The following SLIT3 variants were observed in gnomAD, a reference collection of about 807,000 sequenced individuals.
The protein encoded by SLIT3 is slit homolog 3 protein.
SLIT3 carries 68 observed loss-of-function variants against 184.0 expected under a neutral mutation model. The observed-to-expected ratio is 0.37, with a 90% CI of 0.30 to 0.45. The LOEUF is 0.45. SLIT3 is among the 20% of genes least tolerant of loss of function. The pLI is 1.00. For missense variants in SLIT3, 1,707 were observed against 2,026.0 expected, an observed-to-expected ratio of 0.84 and a Z score of 3.02; for synonymous variants, 831 against 828.6, an observed-to-expected ratio of 1.00 and a Z score of -0.05.
intron 4 of SLIT3, among the ~76,000 whole-genome samples, chr5:169,117,425 C>G (rs906536968): frequency 2.0e-5 from 3 of 151,996 alleles, no homozygotes; most frequent in African/African-American, 7.3e-5. Flanking sequence ...CTCCCTGCCC[C>G]CCTCACCTCT....
At chr5:168,741,029 C>A (rs1392798511) in intron 20 of SLIT3, among the ~76,000 whole-genome samples, 1 of 152,170 alleles carries the variant, frequency 6.6e-6, no homozygotes, top group East Asian at 1.9e-4. Context: ...GTACACAGAA[C>A]TTCCAGGGCA....
intron 12 of SLIT3, among the ~76,000 whole-genome samples, chr5:168,782,264 G>A (rs933268922): frequency 4.6e-5 from 7 of 152,116 alleles, no homozygotes; most frequent in East Asian, 1.9e-4. Context: ...CACCTGGAGC[G>A]GGTTTAAAAG....
chr5:168,939,131 A>T (rs1762254903), intron 4 of SLIT3, among the ~76,000 whole-genome samples: 2 of 152,304 alleles, frequency 1.3e-5, no homozygotes, highest in Non-Finnish European at 1.5e-5. Context: ...AGACTAAAAG[A>T]ACCCAATGCA....
intron 4 of SLIT3, among the ~76,000 whole-genome samples, chr5:169,005,085 G>A (rs186513303): frequency 2.0e-4 from 31 of 152,192 alleles, no homozygotes; most frequent in Admixed American, 1.0e-3. Flanking sequence ...TTCTGTGTCC[G>A]TATTTTTAAG....
intron 18 of SLIT3, among the ~76,000 whole-genome samples, chr5:168,750,636 T>G (rs555424625): frequency 4.7e-4 from 71 of 152,132 alleles, no homozygotes; most frequent in Non-Finnish European, 9.7e-4. Context: ...TGTCTTTGGA[T>G]TTCCAATGTG....
intron 4 of SLIT3, among the ~76,000 whole-genome samples, chr5:169,046,864 C>T (rs188456351): frequency 5.6e-4 from 85 of 152,278 alleles, no homozygotes; most frequent in African/African-American, 2.0e-3. Context: ...CTCCAGAGCC[C>T]TCTCTCCAGG....
chr5:168,941,722 C>T (rs1762339309), intron 4 of SLIT3, among the ~76,000 whole-genome samples: 1 of 152,156 alleles, frequency 6.6e-6, no homozygotes. Flanking sequence ...GGTGCAGAAT[C>T]TGGAGTTGGA....
intron 4 of SLIT3, among the ~76,000 whole-genome samples, chr5:168,902,882 T>C (rs1265171534): frequency 1.3e-5 from 2 of 151,988 alleles, no homozygotes; most frequent in African/African-American, 2.4e-5. Context: ...TGAATGAGAA[T>C]GGGGGTAGTG....
rs187914241 is a variant in SLIT3 at position 168,708,352 on chromosome 5, G to A, written c.2720-252C>T. On this transcript the variant is annotated intron_variant, in intron 25 of 35. Coordinates refer to ENST00000519560, the MANE Select transcript of SLIT3 (RefSeq NM_003062.4). Reference sequence around the variant, plus strand: ...CACTTCTGCAGTCAAATCAATTACTGTAATTAGCCTGATCCGATTTTGGTG... The same window carrying A: ...CACTTCTGCAGTCAAATCAATTACTATAATTAGCCTGATCCGATTTTGGTG... 7.2e-6 allele frequency: 4 copies of A among 558,230 alleles called. No homozygotes were observed. In the Admixed American group the frequency reaches 9.4e-5, roughly 13 times the overall value. 34.6% of individuals were successfully genotyped at this position (558,230 alleles called of 1,614,324 possible). A position where few individuals can be genotyped will look rare whatever the true frequency, so the allele number is the denominator to read the frequency against.
intron 4 of SLIT3, among the ~76,000 whole-genome samples, chr5:169,044,366 A>G (rs1267891830): frequency 6.6e-6 from 1 of 152,224 alleles, no homozygotes; most frequent in Non-Finnish European, 1.5e-5. Flanking sequence ...TATTCATGAT[A>G]GCCAAAAGGT....
intron 4 of SLIT3, among the ~76,000 whole-genome samples, chr5:168,976,100 G>A (rs935730480): frequency 8.5e-5 from 13 of 152,148 alleles, no homozygotes; most frequent in African/African-American, 4.8e-5. Flanking sequence ...GTGATTCTCA[G>A]TGCTTTCATT....
intron 7 of SLIT3, among the ~76,000 whole-genome samples, chr5:168,822,079 C>A (rs1049506940): frequency 1.3e-5 from 2 of 152,068 alleles, no homozygotes; most frequent in African/African-American, 4.8e-5. Context: ...TGGTATGGGG[C>A]CTGAAATCTT....
chr5:169,292,854 G>A (rs985331070), intron 1 of SLIT3, among the ~76,000 whole-genome samples: 6 of 152,236 alleles, frequency 3.9e-5, no homozygotes, highest in Admixed American at 3.9e-4. Context: ...GGGACAACAA[G>A]CTAACAGCAG....
At position 169,300,633 on chromosome 5, in the gene SLIT3, A is replaced by T. The variant is rs1170962151; in HGVS notation, c.77T>A (p.Leu26Gln). ...GCAGGCGACGGCTGGAGGCCCACTC[A>T]GGACGCTCGCCAGCGCCAAGGCCAG... is the stretch of plus-strand genomic sequence containing the variant. ...LALALALASV[L>Q]SGPPAVACPT... is the part of the protein sequence containing the mutation. Residue 26 changes from leucine to glutamine, a missense_variant, in exon 1 of 36, where the codon CTG becomes CAG. Physicochemically the swap from Leu to Gln is moderately radical, Grantham distance 113. Around this residue, in one of 3 missense-constraint regions of SLIT3, gnomAD observed 1,307 missense variants for 1,511.6 expected, o/e 0.86. Coordinates refer to ENST00000519560, the MANE Select transcript of SLIT3 (RefSeq NM_003062.4). The surrounding 1 kb of genome is among the most constrained non-coding windows in gnomAD (Gnocchi z 4.1). 1 of 1,492,096 alleles carries T rather than the reference A, an allele frequency of 6.7e-7. No homozygotes were observed. The highest frequency in any genetic ancestry group is 2.2e-5 in the Admixed American group (1 of 45,600). 92.4% of individuals were successfully genotyped at this position (1,492,096 alleles called of 1,614,324 possible). A position where few individuals can be genotyped will look rare whatever the true frequency, so the allele number is the denominator to read the frequency against.
chr5:168,959,594 G>A (rs371679362), intron 4 of SLIT3, among the ~76,000 whole-genome samples: 4 of 152,296 alleles, frequency 2.6e-5, no homozygotes, highest in African/African-American at 9.6e-5. Flanking sequence ...CAGGCTGCCT[G>A]GAGTAGGTGG....
At chr5:168,988,735 A>G (rs1323209841) in intron 4 of SLIT3, among the ~76,000 whole-genome samples, 7 of 152,106 alleles carry the variant, frequency 4.6e-5, no homozygotes, top group Non-Finnish European at 8.8e-5. Context: ...ATCTTCACGG[A>G]TCTCACTTTG....
At chr5:169,210,230 G>A (rs183231152) in intron 3 of SLIT3, among the ~76,000 whole-genome samples, 3 of 152,326 alleles carry the variant, frequency 2.0e-5, no homozygotes, top group East Asian at 1.9e-4. Flanking sequence ...AGACAGGTAG[G>A]ATGAAGGTAT....
rs569799848 is a variant in SLIT3, at chr5:168,727,995, TC to T, written c.2271-3512del. 2.2e-4 allele frequency among the ~76,000 whole-genome samples: 33 copies of T among 152,020 alleles called. No homozygotes were observed. In the South Asian group the frequency reaches 4.8e-3, roughly 22 times the overall value. ...AGGGAGGATCTCTTCTCCAGGGAGA[TC>T]CGAGGGAGTTGCTAGGAAGGGGTAT... On this transcript the variant is annotated intron_variant, in intron 20 of 35. Coordinates refer to ENST00000519560, the MANE Select transcript of SLIT3 (RefSeq NM_003062.4).
intron 9 of SLIT3, among the ~76,000 whole-genome samples, chr5:168,803,002 T>G (rs1231930658): frequency 6.8e-6 from 1 of 146,276 alleles, no homozygotes; most frequent in Non-Finnish European, 1.5e-5. Context: ...CAGTCTATAC[T>G]CTTAACCTCT....
Sources: allele counts gnomAD v4.1 joint callset (sites outside exome capture counted in the v4.1 genomes callset), GRCh38; gene constraint gnomAD v4.1.1; regional missense constraint gnomAD v4.1.1; non-coding constraint Gnocchi (gnomAD v3.1); transcripts MANE v1.5; gene names NCBI Gene and HGNC (gene_info 2026-07-23, HGNC 2026-07-21).